SPINK4: variants seen among roughly 807,000 people sequenced by gnomAD.
SPINK4 encodes the protein serine peptidase inhibitor Kazal type 4, also known as serine protease inhibitor Kazal-type 4.
SPINK4 carries 10 observed loss-of-function variants against 12.3 expected under a neutral mutation model. The observed-to-expected ratio is 0.81, with a 90% confidence interval of 0.50 to 1.37. The LOEUF (loss-of-function observed/expected upper bound fraction) is 1.37. Among genes scored for constraint, SPINK4 ranks in the 40% most tolerant of loss-of-function variants. SPINK4 has a pLI of 0.00. For missense variants in SPINK4, 91 were observed against 109.0 expected, an observed-to-expected ratio of 0.84 and a Z score of 0.73; for synonymous variants, 37 against 40.2, an observed-to-expected ratio of 0.92 and a Z score of 0.30.
intron 2 of SPINK4, among the ~76,000 whole-genome samples, 175 bp downstream of exon 2, chr9:33,245,327 T>C (rs958085476): frequency 2.0e-5 from 3 of 152,094 alleles, no homozygotes; most frequent in South Asian, 2.1e-4. Context: ...CAAGGCTGAG[T>C]AGGCCCAGCC....
chr9:33,245,881 C>T (rs1363618452), intron 2 of SPINK4, among the ~76,000 whole-genome samples: 1 of 152,202 alleles, frequency 6.6e-6, no homozygotes, highest in Non-Finnish European at 1.5e-5. Context: ...AACTGAGACT[C>T]AGAGAGTGGA....
intron 1 of SPINK4, among the ~76,000 whole-genome samples, chr9:33,241,105 G>T (rs546706721): frequency 4.7e-4 from 66 of 139,672 alleles, no homozygotes; most frequent in Admixed American, 1.3e-3. Context: ...GAGGGACTAA[G>T]CCATGTGGAT....
intron 3 of SPINK4, among the ~76,000 whole-genome samples, chr9:33,247,581 A>C (rs1217114229): frequency 6.6e-6 from 1 of 152,226 alleles, no homozygotes; most frequent in Non-Finnish European, 1.5e-5. Context: ...AAGGTCTACA[A>C]GGAAAAGTTT....
In SPINK4 at chr9:33,240,186, G is replaced by T. The variant is rs1222067063; in HGVS notation, c.-23G>T. 6.3e-7 allele frequency: 1 copy of T among 1,594,434 alleles called. No individual in the cohort carries two copies. The highest frequency in any genetic ancestry group is 8.5e-7 in the Non-Finnish European group (1 of 1,171,126). ...TCAGGCGCAGGCCCCAGCCAGCTCA[G>T]GCTACACTATCCCAGGATCAGCATG... On this transcript the variant is annotated 5_prime_UTR_variant, in exon 1 of 4. It adds an upstream start codon to the 5' untranslated region. Coordinates refer to ENST00000379721, the MANE Select transcript of SPINK4 (RefSeq NM_014471.3).
intron 2 of SPINK4, 24 bp downstream of exon 2, chr9:33,245,176 C>T: frequency 6.2e-7 from 1 of 1,611,162 alleles, no homozygotes; most frequent in East Asian, 2.2e-5. Context: ...GTGTTGTTCT[C>T]ACCTTCTCTC....
chr9:33,246,665 A>T lies in SPINK4; in HGVS notation c.152A>T (p.Asn51Ile), dbSNP rs758112923. Residue 51 changes from asparagine (N) to isoleucine (I), a missense_variant, in exon 3 of 4, where the codon AAC becomes ATC. Asn to Ile is a moderately radical substitution (Grantham distance 149). Coordinates refer to ENST00000379721, the MANE Select transcript of SPINK4 (RefSeq NM_014471.3). Reference protein sequence around the residue: ...VESPTCSQMSNLVCGTDGLTY... With the variant: ...VESPTCSQMSILVCGTDGLTY... ...TCTCCAACCTGTTCCCAGATGTCCA[A>T]CCTGGTCTGCGGCACTGATGGGCTC... 1 of 1,613,960 alleles carries T rather than the reference A, an allele frequency of 6.2e-7. No homozygotes were observed. The highest frequency in any genetic ancestry group is 2.2e-5 in the East Asian group (1 of 44,852).
At chr9:33,243,269 C>T (rs1202174711) in intron 1 of SPINK4, among the ~76,000 whole-genome samples, 1 of 152,156 alleles carries the variant, frequency 6.6e-6, no homozygotes, top group East Asian at 1.9e-4. Context: ...TATGGGGTTT[C>T]ACCATGTTGG....
At chr9:33,242,633 G>A (rs999122387) in intron 1 of SPINK4, among the ~76,000 whole-genome samples, 4 of 152,158 alleles carry the variant, frequency 2.6e-5, no homozygotes, top group African/African-American at 9.7e-5. Context: ...AGGGAACCAC[G>A]GAAGGGCTTT....
At chr9:33,241,888 T>G (rs1048591502) in intron 1 of SPINK4, among the ~76,000 whole-genome samples, 2 of 151,428 alleles carry the variant, frequency 1.3e-5, no homozygotes, top group Non-Finnish European at 2.9e-5. Flanking sequence ...TAAACAAAAA[T>G]TTTTTTTTCA....
chr9:33,243,004 T>C (rs1357498280), intron 1 of SPINK4, among the ~76,000 whole-genome samples: 1 of 152,032 alleles, frequency 6.6e-6, no homozygotes. Context: ...GCCTCACAAG[T>C]AGCTGGGACT....
At chr9:33,248,377 A>G (rs1820306674) in intron 3 of SPINK4, 49 bp from the exon 4 acceptor site, 1 of 1,607,240 alleles carries the variant, frequency 6.2e-7, no homozygotes, top group Non-Finnish European at 8.5e-7. Context: ...TGAATGGTAC[A>G]CTACAGCTCC....
chr9:33,245,106 T>G lies in SPINK4; in HGVS notation c.62-6T>G. On this transcript the variant is annotated splice_region_variant and splice_polypyrimidine_tract_variant and intron_variant, in intron 1 of 3. Coordinates refer to ENST00000379721, the MANE Select transcript of SPINK4 (RefSeq NM_014471.3). Reference sequence around the variant, plus strand: ...ATAATCTAATTCTTGCTTCTTTGTGTTTCAGAAGTGCCAGTGGCAGCAGGA... The same window carrying G: ...ATAATCTAATTCTTGCTTCTTTGTGGTTCAGAAGTGCCAGTGGCAGCAGGA... 1 of 1,613,750 alleles carries G rather than the reference T, an allele frequency of 6.2e-7. No individual in the cohort carries two copies. The highest frequency in any genetic ancestry group is 2.2e-5 in the East Asian group (1 of 44,866).
intron 1 of SPINK4, among the ~76,000 whole-genome samples, chr9:33,243,066 T>A (rs830568): frequency 0.35 from 53,373 of 151,352 alleles, 11,983 homozygotes; most frequent in African/African-American, 0.65. Flanking sequence ...TTAAATTTAT[T>A]TTTATTTATT....
At chr9:33,243,317 C>T (rs997228942) in intron 1 of SPINK4, among the ~76,000 whole-genome samples, 2 of 152,150 alleles carry the variant, frequency 1.3e-5, no homozygotes, top group Non-Finnish European at 2.9e-5. Flanking sequence ...AGGTGATCCA[C>T]CTGCCTCAGC....
At chr9:33,244,006 C>T (rs1820263292) in intron 1 of SPINK4, among the ~76,000 whole-genome samples, 1 of 152,172 alleles carries the variant, frequency 6.6e-6, no homozygotes, top group African/African-American at 2.4e-5. Flanking sequence ...AGCCTCCTCA[C>T]AGAGATGGGC....
At chr9:33,243,719 G>T (rs542541195) in intron 1 of SPINK4, among the ~76,000 whole-genome samples, 1 of 152,088 alleles carries the variant, frequency 6.6e-6, no homozygotes, top group African/African-American at 2.4e-5. Context: ...GACATGGAAG[G>T]GTTTTAAGCA....
chr9:33,242,834 C>T (rs897635226), intron 1 of SPINK4, among the ~76,000 whole-genome samples: 1 of 151,234 alleles, frequency 6.6e-6, no homozygotes, highest in East Asian at 1.9e-4. Flanking sequence ...CAGAAATTCC[C>T]CTATGTCAGT....
chr9:33,244,979 C>T, intron 1 of SPINK4, 133 bp from the exon 2 acceptor site: 1 of 777,072 alleles, frequency 1.3e-6, no homozygotes, highest in African/African-American at 1.8e-5. Context: ...TCTGGTGGCT[C>T]ATCACCTTTC....
chr9:33,242,111 C>A (rs1415088484), intron 1 of SPINK4, among the ~76,000 whole-genome samples: 1 of 152,128 alleles, frequency 6.6e-6, no homozygotes, highest in Non-Finnish European at 1.5e-5. Flanking sequence ...AACTTCCAAC[C>A]CCAAGATTTG....
Sources: gnomAD v4.1 joint callset for allele counts (sites outside exome capture counted in the v4.1 genomes callset) on GRCh38, gnomAD v4.1.1 for gene constraint, MANE v1.5 for transcripts, NCBI Gene and HGNC (gene_info 2026-07-23, HGNC 2026-07-21) for gene names.